The following C7orf57 variants were observed in gnomAD, a reference collection of about 807,000 sequenced individuals.
C7orf57 encodes the protein uncharacterized protein C7orf57.
Under a neutral mutation model 39.0 loss-of-function variants are expected in C7orf57, and 33 were observed. The ratio of observed to expected loss-of-function variants is 0.85; its 90% CI spans 0.64 to 1.13. The LOEUF (loss-of-function observed/expected upper bound fraction) is 1.13, where lower values mean the gene tolerates loss of function less well. C7orf57 is among the 50% of genes most tolerant of loss of function. The pLI, the probability that C7orf57 is intolerant of heterozygous loss-of-function variation, is 0.00. For synonymous variants in C7orf57, 124 were observed against 137.1 expected, an observed-to-expected ratio of 0.90 and a Z score of 0.67; for missense variants, 346 against 362.3, an observed-to-expected ratio of 0.95 and a Z score of 0.37.
Position 48,053,054 on chromosome 7 carries a change from A to G in C7orf57, c.829+131A>G, listed in dbSNP as rs925309308. On this transcript the variant is annotated intron_variant, in intron 7 of 8. Coordinates refer to ENST00000348904, the MANE Select transcript of C7orf57 (RefSeq NM_001100159.3). ...CCAAAAACCATGTGAAAACGCCCAC[A>G]GAAGTACTAAGGTTACAGATAAGCA... 9.4e-6 allele frequency: 7 copies of G among 744,146 alleles called. No homozygotes were observed. The African/African-American group carries it at 1.0e-4, about 11-fold the overall frequency. The allele number at this position is 744,146 out of a possible 1,614,324, so 46.1% of individuals were successfully genotyped here.
intron 2 of C7orf57, among the ~76,000 whole-genome samples, chr7:48,040,470 A>G (rs1025530269): frequency 2.0e-5 from 3 of 152,228 alleles, no homozygotes; most frequent in Non-Finnish European, 4.4e-5. Context: ...TCCATAACAC[A>G]TAAGTCACCT....
At chr7:48,044,184 ACT>A (rs1280286723) in intron 4 of C7orf57, among the ~76,000 whole-genome samples, 2 of 152,202 alleles carry the variant, frequency 1.3e-5, no homozygotes, top group South Asian at 2.1e-4. Flanking sequence ...TGCAGCGGAC[ACT>A]CTGCCGGATC....
At chr7:48,059,307 A>G (rs1186906035) in intron 8 of C7orf57, among the ~76,000 whole-genome samples, 1 of 152,116 alleles carries the variant, frequency 6.6e-6, no homozygotes, top group Non-Finnish European at 1.5e-5. Flanking sequence ...CTCTCCACTT[A>G]GAGTGTGTTG....
Position 48,061,183 on chromosome 7 carries a change from T to C in C7orf57, c.*911T>C, listed in dbSNP as rs901702268. The C allele has an allele frequency of 6.6e-6, 1 of 152,190 alleles. No individual in the cohort carries two copies. The highest frequency in any genetic ancestry group is 1.5e-5 in the Non-Finnish European group (1 of 68,022). The allele number at this position is 152,190 out of a possible 1,614,324, so 9.4% of individuals were successfully genotyped here. ...TTAGTTCTCTATATGAGATACTTAA[T>C]CGAGCATATATATTTATATTCATTG... On this transcript the variant is annotated 3_prime_UTR_variant, in exon 9 of 9. Coordinates refer to ENST00000348904, the MANE Select transcript of C7orf57 (RefSeq NM_001100159.3).
At chr7:48,041,139 G>A (rs549946674) in intron 2 of C7orf57, among the ~76,000 whole-genome samples, 195 bp from the exon 3 acceptor site, 218 of 152,306 alleles carry the variant, frequency 1.4e-3, no homozygotes, top group Non-Finnish European at 2.5e-3. Context: ...GTGGGCAGTA[G>A]AGACTGGATT....
chr7:48,051,858 T>TCTTC (rs1554299780), intron 6 of C7orf57, among the ~76,000 whole-genome samples: 1 of 87,818 alleles, frequency 1.1e-5, no homozygotes, highest in African/African-American at 5.9e-5. Context: ...TTTCTTTCTT[T>TCTTC]CTTTCTTTCT....
chr7:48,052,923 G>C lies in C7orf57; in HGVS notation c.829G>C (p.Glu277Gln). The C allele has an allele frequency of 6.2e-7, 1 of 1,610,802 alleles. No individual in the cohort carries two copies. The highest frequency in any genetic ancestry group is 8.5e-7 in the Non-Finnish European group (1 of 1,177,350). Residue 277 changes from glutamate to glutamine, a missense_variant and splice_region_variant, in exon 7 of 9, where the codon GAG becomes CAG. By Grantham distance (29) the Glu-to-Gln change is conservative. Transcript: ENST00000348904. Reference protein sequence around the residue: ...EASEGPEDTPESSQSPEESVS... With the variant: ...EASEGPEDTPQSSQSPEESVS... ...TTCTGAAGGTCCTGAGGACACCCCA[G>C]GTGAGGCACAAGCAGCCATCTGCAT...
In C7orf57 at chr7:48,035,855, G is replaced by C. The variant is rs758645288; in HGVS notation, c.-102+225G>C. The stretch of plus-strand genomic sequence containing the variant: ...CCTCTCTGTACTTGCTGTGTCCCTG[G>C]CGTGGACGTGCCTGTACTGGATACC... On this transcript the variant is annotated intron_variant, in intron 1 of 8. Transcript: ENST00000348904. The surrounding 1 kb of genome is among the most constrained non-coding windows in gnomAD (Gnocchi z 4.0). Among the ~76,000 whole-genome samples the C allele has an allele frequency of 6.6e-6, 1 of 152,154 alleles. No homozygotes were observed. Among genetic ancestry groups the C allele is most frequent in the African/African-American group, 2.4e-5 (1 of 41,440 alleles).
intron 6 of C7orf57, among the ~76,000 whole-genome samples, chr7:48,051,160 A>C (rs1473620460): frequency 6.6e-6 from 1 of 151,994 alleles, no homozygotes; most frequent in Non-Finnish European, 1.5e-5. Context: ...TGATAAGGAC[A>C]AGAAAGAACC....
chr7:48,055,167 C>T (rs1274406630), intron 8 of C7orf57, among the ~76,000 whole-genome samples: 1 of 152,140 alleles, frequency 6.6e-6, no homozygotes, highest in Admixed American at 6.5e-5. Flanking sequence ...TGAGCTACCG[C>T]GCCTGGCCTA....
At position 48,052,701 on chromosome 7, in the gene C7orf57, C is replaced by T. The variant is rs1465373858; in HGVS notation, c.607C>T (p.Pro203Ser). The stretch of plus-strand genomic sequence containing the variant: ...CACATTACTTTTACTCTTTTTAAGG[C>T]CTGGTCAAAAAAACAGTTCACCTAC... ...AGSRLSFPPV[P>S]GQKNSSPTNF... Residue 203 changes from proline (P) to serine (S), a missense_variant and splice_region_variant, in exon 7 of 9, where the codon CCT (proline) becomes TCT (serine). Physicochemically the swap from Pro to Ser is moderately conservative, Grantham distance 74 (BLOSUM62 -1). Transcript: ENST00000348904. 6.2e-7 allele frequency: 1 copy of T among 1,613,162 alleles called. No individual in the cohort carries two copies. The highest frequency in any genetic ancestry group is 8.5e-7 in the Non-Finnish European group (1 of 1,179,230).
At chr7:48,051,872 T>TTTC (rs1790952714) in intron 6 of C7orf57, among the ~76,000 whole-genome samples, 1 of 42,476 alleles carries the variant, frequency 2.4e-5, no homozygotes, top group South Asian at 8.0e-4. Context: ...TCTTTCTTTC[T>TTTC]CTTTCTCTTT....
chr7:48,036,476 G>A (rs1583795608), intron 2 of C7orf57, 113 bp downstream of exon 2: 4 of 953,132 alleles, frequency 4.2e-6, no homozygotes, highest in Non-Finnish European at 6.1e-6. Flanking sequence ...GGGTGTGAAC[G>A]ATGGAGGACC....
At chr7:48,051,877 CT>C (rs1583818890) in intron 6 of C7orf57, among the ~76,000 whole-genome samples, 6 of 39,104 alleles carry the variant, frequency 1.5e-4, no homozygotes, top group South Asian at 1.9e-3. Context: ...CTTTCTCTTT[CT>C]CTTTCTTTCT....
At chr7:48,051,735 TTTTCTTTCTTTTTCTTTTC>T (rs1790892286) in intron 6 of C7orf57, among the ~76,000 whole-genome samples, 1 of 72,494 alleles carries the variant, frequency 1.4e-5, no homozygotes, top group Non-Finnish European at 3.5e-5. Context: ...TCTCTTTTTC[TTTTCTTTCTTTTTCTTTTC>T]TTTCTTTCTT....
rs1562629763 is a variant in C7orf57, at chr7:48,051,777, TC to T, written c.606-922del. On this transcript the variant is annotated intron_variant, in intron 6 of 8. Transcript: ENST00000348904. ...TTCTTTCTTTCTTTCTTTCTTTCTT[TC>T]TTTCTTTCTTTCTTTCTTTCCTTCC... 7.3e-4 allele frequency among the ~76,000 whole-genome samples: 82 copies of T among 112,778 alleles called. 2 individuals are homozygous for T. Among genetic ancestry groups the T allele is most frequent in the Admixed American group, 6.6e-3 (75 of 11,344 alleles). The allele number at this position is 112,778 out of a possible 152,430, so 74.0% of individuals were successfully genotyped here.
At position 48,054,412 on chromosome 7, in the gene C7orf57, C is replaced by CAA. The variant is rs35256733; in HGVS notation, c.830-163_830-162dup. ...CTGGGCAACAAGAGGGAAACTCTCT[C>CAA]AAAAAAAAAAAAAAAAAAAAAGGTT... On this transcript the variant is annotated intron_variant, in intron 7 of 8. Transcript: ENST00000348904. Among the ~76,000 whole-genome samples, 245 of 85,932 alleles carry CAA rather than the reference C, an allele frequency of 2.9e-3. 2 individuals carry two copies. The highest frequency in any genetic ancestry group is 7.4e-3 in the African/African-American group (167 of 22,424). 56.4% of individuals were successfully genotyped at this position (85,932 alleles called of 152,430 possible).
chr7:48,052,998 A>G (rs1225454306), intron 7 of C7orf57, 75 bp downstream of exon 7: 1 of 1,205,934 alleles, frequency 8.3e-7, no homozygotes, highest in East Asian at 2.5e-5. Flanking sequence ...TTCTTATCAC[A>G]TGATGCGTCT....
chr7:48,042,550 CAAAG>C (rs1375154827), intron 3 of C7orf57, among the ~76,000 whole-genome samples: 3 of 151,834 alleles, frequency 2.0e-5, no homozygotes, highest in Non-Finnish European at 4.4e-5. Flanking sequence ...GAGGGACAGA[CAAAG>C]AGAGAAAACA....
Sources: allele counts gnomAD v4.1 joint callset (sites outside exome capture counted in the v4.1 genomes callset), GRCh38; gene constraint gnomAD v4.1.1; non-coding constraint Gnocchi (gnomAD v3.1); transcripts MANE v1.5; gene names NCBI Gene and HGNC (gene_info 2026-07-23, HGNC 2026-07-21).